TNFRSF11A: variants seen among roughly 807,000 people sequenced by gnomAD.
TNFRSF11A encodes tumor necrosis factor receptor superfamily member 11A.
A neutral mutation model predicts 55.7 loss-of-function variants in TNFRSF11A; 32 were observed. That is an observed-to-expected ratio of 0.57 (90% CI 0.43 to 0.77). The LOEUF (loss-of-function observed/expected upper bound fraction) is 0.77. TNFRSF11A is among the 30% of genes least tolerant of loss of function. TNFRSF11A has a pLI of 0.00. For synonymous variants in TNFRSF11A, 311 were observed against 331.0 expected (o/e 0.94, Z 0.65); for missense variants, 753 against 809.8 (o/e 0.93, Z 0.85).
At chr18:62,332,143 G>A (rs2046164326) in intron 1 of TNFRSF11A, among the ~76,000 whole-genome samples, 1 of 152,200 alleles carries the variant, frequency 6.6e-6, no homozygotes, top group Non-Finnish European at 1.5e-5. Flanking sequence ...CTGGGCAATG[G>A]GGAAAGATTG....
intron 2 of TNFRSF11A, 44 bp downstream of exon 2, chr18:62,348,293 G>A (rs1409312861): frequency 6.4e-7 from 1 of 1,555,442 alleles, no homozygotes; most frequent in Non-Finnish European, 8.9e-7. Context: ...CTCAAAAGTG[G>A]GTGAGGCTTT....
intron 9 of TNFRSF11A, among the ~76,000 whole-genome samples, chr18:62,370,173 TATA>T (rs1464701224): frequency 2.0e-5 from 3 of 152,198 alleles, no homozygotes; most frequent in Non-Finnish European, 4.4e-5. Flanking sequence ...ACCCACCGAT[TATA>T]ATATTATAAC....
At chr18:62,340,035 G>A (rs1321650396) in intron 1 of TNFRSF11A, among the ~76,000 whole-genome samples, 1 of 151,900 alleles carries the variant, frequency 6.6e-6, no homozygotes, top group Non-Finnish European at 1.5e-5. Flanking sequence ...AGGCCTTGTA[G>A]TCCCAGCTAC....
chr18:62,358,301 G>A lies in TNFRSF11A; in HGVS notation c.481G>A (p.Asp161Asn). The A allele has an allele frequency of 1.9e-6, 3 of 1,609,802 alleles. No individual in the cohort carries two copies. The highest frequency in any genetic ancestry group is 1.7e-6 in the Non-Finnish European group (2 of 1,178,290). The change falls in exon 5 of 10, where the codon GAT becomes AAT. Residue 161 changes from aspartate (D) to asparagine (N), a missense_variant. Asp to Asn is a conservative substitution (Grantham distance 23). Transcript: ENST00000586569. ...ACCTTGCCTTGCAGGCTACTTCTCT[G>A]ATGCCTTTTCCTCCACGGACAAATG... ...CKPCLAGYFSDAFSSTDKCRP... is the reference protein window; with the variant it reads ...CKPCLAGYFSNAFSSTDKCRP...
rs557100969 is a variant in TNFRSF11A at position 62,328,307 on chromosome 18, G to A, written c.75+2880G>A. 1.3e-4 allele frequency among the ~76,000 whole-genome samples: 20 copies of A among 152,200 alleles called. 1 individual carries two copies. The Middle Eastern group carries it at 0.014, about 104-fold the overall frequency. On this transcript the variant is annotated intron_variant, in intron 1 of 9. Transcript: ENST00000586569. The stretch of plus-strand genomic sequence containing the variant: ...GTTTCCCAAGTGGTCTTGGAAAGAT[G>A]TGTGGGAAACCAGAGGTCAGGGAAG...
At chr18:62,357,694 C>CT (rs1372740716) in intron 4 of TNFRSF11A, among the ~76,000 whole-genome samples, 1 of 152,162 alleles carries the variant, frequency 6.6e-6, no homozygotes, top group East Asian at 1.9e-4. Flanking sequence ...TCCTCGTCTT[C>CT]TTTTTTTAAC....
chr18:62,358,350 C>T lies in TNFRSF11A; in HGVS notation c.521+9C>T. ...TGCAGACCCTGGACCAAGTAAGTAACAACAAAGGAGTCAGAAGAGATGGTT... is the reference window on the plus strand; with the variant it reads ...TGCAGACCCTGGACCAAGTAAGTAATAACAAAGGAGTCAGAAGAGATGGTT... On this transcript the variant is annotated intron_variant, in intron 5 of 9. Transcript: ENST00000586569. The T allele has an allele frequency of 6.2e-7, 1 of 1,606,878 alleles. No homozygotes were observed. The highest frequency in any genetic ancestry group is 8.5e-7 in the Non-Finnish European group (1 of 1,175,624).
At chr18:62,344,248 C>T (rs1047827053) in intron 1 of TNFRSF11A, among the ~76,000 whole-genome samples, 2 of 152,172 alleles carry the variant, frequency 1.3e-5, no homozygotes, top group Non-Finnish European at 1.5e-5. Context: ...ATTCCCTATT[C>T]AATAAATAAA....
At chr18:62,335,632 T>G (rs183084212) in intron 1 of TNFRSF11A, among the ~76,000 whole-genome samples, 2 of 152,326 alleles carry the variant, frequency 1.3e-5, no homozygotes, top group East Asian at 3.9e-4. Context: ...GTGTCTCCTG[T>G]TAGGCAGCCC....
rs193035536 is a variant in TNFRSF11A, at chr18:62,341,801, T to C, written c.76-6367T>C. Among the ~76,000 whole-genome samples the C allele has an allele frequency of 5.8e-4, 88 of 150,902 alleles. 2 individuals are homozygous for C. Among genetic ancestry groups the C allele is most frequent in the African/African-American group, 2.1e-3 (87 of 41,290 alleles). On this transcript the variant is annotated intron_variant, in intron 1 of 9. Coordinates refer to ENST00000586569, the MANE Select transcript of TNFRSF11A (RefSeq NM_003839.4). ...GATAGGCACAGTTATTAATTAGCAC[T>C]ATTGTACAGGTGAGGAGACTCAGGC...
intron 9 of TNFRSF11A, among the ~76,000 whole-genome samples, chr18:62,378,436 G>A (rs1354638119): frequency 6.6e-6 from 1 of 152,168 alleles, no homozygotes; most frequent in African/African-American, 2.4e-5. Context: ...TCCAGAGAAA[G>A]TGCCCTTTCA....
rs373982231 is a variant in TNFRSF11A, at chr18:62,358,306, C to T, written c.486C>T (p.Ala162=). Residue 162 remains alanine (A), a synonymous_variant, in exon 5 of 10, where the codon GCC becomes GCT. Coordinates refer to ENST00000586569, the MANE Select transcript of TNFRSF11A (RefSeq NM_003839.4). The stretch of plus-strand genomic sequence containing the variant: ...GCCTTGCAGGCTACTTCTCTGATGC[C>T]TTTTCCTCCACGGACAAATGCAGAC... ...KPCLAGYFSD[A]FSSTDKCRPW... is the part of the protein sequence containing the mutation. 2 of 1,613,092 alleles carry T rather than the reference C, an allele frequency of 1.2e-6. No individual in the cohort carries two copies. Among genetic ancestry groups the T allele is most frequent in the African/African-American group, 2.7e-5 (2 of 74,798 alleles).
chr18:62,377,530 C>T (rs1910981704), intron 9 of TNFRSF11A, among the ~76,000 whole-genome samples: 1 of 152,156 alleles, frequency 6.6e-6, no homozygotes, highest in Non-Finnish European at 1.5e-5. Flanking sequence ...TTCCTGCCAC[C>T]CACCCCCATG....
chr18:62,326,473 A>G (rs546251590), intron 1 of TNFRSF11A, among the ~76,000 whole-genome samples: 1 of 152,200 alleles, frequency 6.6e-6, no homozygotes, highest in South Asian at 2.1e-4. Flanking sequence ...AGTCTAAAGG[A>G]TTTTTTCATT....
chr18:62,377,866 A>C (rs891642826), intron 9 of TNFRSF11A, among the ~76,000 whole-genome samples: 3 of 152,082 alleles, frequency 2.0e-5, no homozygotes, highest in East Asian at 3.9e-4. Flanking sequence ...TAAGCCTCGG[A>C]TCTTTTTAGG....
chr18:62,360,676 GC>G (rs1721045640), intron 6 of TNFRSF11A, among the ~76,000 whole-genome samples: 1 of 152,026 alleles, frequency 6.6e-6, no homozygotes, highest in South Asian at 2.1e-4. Flanking sequence ...CAAACTCCTG[GC>G]CCCAGGTGAT....
At chr18:62,354,615 A>C (rs1909115130) in intron 4 of TNFRSF11A, 81 bp downstream of exon 4, 1 of 1,588,036 alleles carries the variant, frequency 6.3e-7, no homozygotes, top group Admixed American at 1.7e-5. Flanking sequence ...TAATAGCAGC[A>C]AGAAAGCTCC....
At chr18:62,351,007 T>C (rs1327726560) in intron 3 of TNFRSF11A, among the ~76,000 whole-genome samples, 19 of 147,296 alleles carry the variant, frequency 1.3e-4, no homozygotes, top group Non-Finnish European at 2.6e-4. Flanking sequence ...TCTTTCTTTT[T>C]TTTTTTTTTT....
At chr18:62,330,675 A>G (rs1484829483) in intron 1 of TNFRSF11A, 4 of 152,750 alleles carry the variant, frequency 2.6e-5, no homozygotes, top group Admixed American at 6.5e-5. Flanking sequence ...AAGGGCCTGA[A>G]TCAGGTCAGG....
Sources: gnomAD v4.1 joint callset for allele counts (sites outside exome capture counted in the v4.1 genomes callset) on GRCh38, gnomAD v4.1.1 for gene constraint, MANE v1.5 for transcripts, NCBI Gene and HGNC (gene_info 2026-07-23, HGNC 2026-07-21) for gene names.